GRAMD1A: variants seen among roughly 807,000 people sequenced by gnomAD.
The protein encoded by GRAMD1A is protein Aster-A.
A neutral mutation model predicts 92.0 loss-of-function variants in GRAMD1A; 50 were observed. The ratio of observed to expected loss-of-function variants is 0.54; its 90% CI spans 0.43 to 0.69. The LOEUF (loss-of-function observed/expected upper bound fraction) is 0.69, where lower values mean the gene tolerates loss of function less well. Among genes scored for constraint, GRAMD1A ranks in the 30% least tolerant of loss-of-function variants. GRAMD1A has a pLI of 0.00. For synonymous variants in GRAMD1A, 405 were observed against 403.6 expected, an observed-to-expected ratio of 1.00 and a Z score of -0.04; for missense variants, 819 against 978.9, an observed-to-expected ratio of 0.84 and a Z score of 2.18.
rs151001327 is a variant in GRAMD1A, at chr19:34,995,212, G to C, written c.-30+387G>C. Among the ~76,000 whole-genome samples, 877 of 152,338 alleles carry C rather than the reference G, an allele frequency of 5.8e-3. 5 individuals are homozygous for C. The highest frequency in any genetic ancestry group is 0.02 in the African/African-American group (831 of 41,578). ...CCAGGCCCGGGCTCTGGTGCCCACTGAGGCCTGGCTCCTTCCTGACCCTTT... is the reference window on the plus strand; with the variant it reads ...CCAGGCCCGGGCTCTGGTGCCCACTCAGGCCTGGCTCCTTCCTGACCCTTT... On this transcript the variant is annotated intron_variant, in intron 1 of 19. Coordinates refer to the GRAMD1A transcript ENST00000599564.
At chr19:35,003,996 G>A (rs1405788289) in intron 1 of GRAMD1A, among the ~76,000 whole-genome samples, 2 of 152,252 alleles carry the variant, frequency 1.3e-5, no homozygotes, top group African/African-American at 4.8e-5. Context: ...GGAGGCCAAG[G>A]TGGGAGGATC....
At chr19:35,024,754 A>AT in intron 19 of GRAMD1A, 1 of 152,340 alleles carries the variant, frequency 6.6e-6, no homozygotes, top group African/African-American at 2.4e-5. Context: ...CCCATCACTC[A>AT]TAGAGAGGGT....
chr19:35,026,251 G>A lies in GRAMD1A; in HGVS notation c.*110G>A, dbSNP rs562299381. 3 of 651,194 alleles carry A rather than the reference G, an allele frequency of 4.6e-6. No individual in the cohort carries two copies. The highest frequency in any genetic ancestry group is 2.1e-5 in the Admixed American group (1 of 46,716). The allele number at this position is 651,194 out of a possible 1,614,324, so 40.3% of individuals were successfully genotyped here. ...CAGGCATCTCCCACCCGCCCCTCCC[G>A]ACGGCCCAACCAGGGGCTGTGCAGA... On this transcript the variant is annotated 3_prime_UTR_variant, in exon 20 of 20. Transcript: ENST00000317991.
chr19:35,013,411 C>T lies in GRAMD1A; in HGVS notation c.719+43C>T. The stretch of plus-strand genomic sequence containing the variant: ...GGAGGTTGAAGGGTTCGGGGGAGAA[C>T]AGGACGGTCGGCGTGCAGAGTTCCT... On this transcript the variant is annotated intron_variant, in intron 8 of 19. Transcript: ENST00000317991. This position sits in a 1 kb window ranked among gnomAD's most constrained non-coding sequence, Gnocchi z 4.9. The T allele has an allele frequency of 6.7e-7, 1 of 1,503,526 alleles. No individual in the cohort carries two copies. The highest frequency in any genetic ancestry group is 9.2e-7 in the Non-Finnish European group (1 of 1,091,624). 93.1% of individuals were successfully genotyped at this position (1,503,526 alleles called of 1,614,324 possible). A position where few individuals can be genotyped will look rare whatever the true frequency, so the allele number is the denominator to read the frequency against.
At position 35,026,350 on chromosome 19, in the gene GRAMD1A, T is replaced by G. The variant is rs1461622932; in HGVS notation, c.*209T>G. 5.1e-6 allele frequency: 3 copies of G among 584,454 alleles called. No homozygotes were observed. The highest frequency in any genetic ancestry group is 9.2e-6 in the Non-Finnish European group (3 of 326,834). The allele number at this position is 584,454 out of a possible 1,614,324, so 36.2% of individuals were successfully genotyped here. On this transcript the variant is annotated 3_prime_UTR_variant, in exon 20 of 20. Transcript: ENST00000317991. ...GGCCTCTGGCAGGCCCCCCACTAAC[T>G]TATTTTGCCCGGCTGAGGTTGTGGG...
At chr19:35,005,328 T>G in intron 1 of GRAMD1A, among the ~76,000 whole-genome samples, 1 of 148,756 alleles carries the variant, frequency 6.7e-6, no homozygotes, top group African/African-American at 2.5e-5. Flanking sequence ...GTAGGGGGTG[T>G]TAAATAGGGA....
intron 1 of GRAMD1A, among the ~76,000 whole-genome samples, chr19:35,001,583 G>C (rs891299965): frequency 6.6e-6 from 1 of 151,904 alleles, no homozygotes; most frequent in Non-Finnish European, 1.5e-5. Context: ...GCATATGCCT[G>C]TAATTTAGCT....
intron 3 of GRAMD1A, 119 bp from the exon 4 acceptor site, chr19:35,009,769 T>C: frequency 1.4e-6 from 1 of 740,076 alleles, no homozygotes; most frequent in Admixed American, 1.9e-5. Flanking sequence ...GCTACTGGTG[T>C]GTTGTGTGCG....
At chr19:35,015,156 G>A (rs1457754620) in intron 10 of GRAMD1A, 1 of 152,508 alleles carries the variant, frequency 6.6e-6, no homozygotes, top group Non-Finnish European at 1.5e-5. Context: ...GAGCAACAGA[G>A]CGAGACCCTG....
intron 10 of GRAMD1A, chr19:35,014,623 TC>T: frequency 1.7e-6 from 1 of 572,720 alleles, no homozygotes. Flanking sequence ...TCACACCACT[TC>T]CTGACCATGT....
At chr19:35,022,156 T>C in intron 16 of GRAMD1A, 118 bp downstream of exon 16, 1 of 685,372 alleles carries the variant, frequency 1.5e-6, no homozygotes, top group Non-Finnish European at 2.5e-6. Flanking sequence ...GTGGGTTTGC[T>C]CACAGCAAGG....
At chr19:34,998,963 G>T (rs187139533), upstream of GRAMD1A, among the ~76,000 whole-genome samples, 21 of 152,208 alleles carry the variant, frequency 1.4e-4, no homozygotes, top group East Asian at 4.1e-3. Context: ...GCTGACAGGG[G>T]CCTTGGGTGC....
intron 6 of GRAMD1A, among the ~76,000 whole-genome samples, chr19:35,011,101 C>CAAAAAAAA (rs56905471): frequency 1.4e-5 from 1 of 71,772 alleles, no homozygotes; most frequent in African/African-American, 5.4e-5. Flanking sequence ...GACCCTGTCT[C>CAAAAAAAA]AAAAAAAAAA....
chr19:35,022,050 A>T lies in GRAMD1A; in HGVS notation c.1841+12A>T. ...CTCATCAGCATTGTGTGAGTAAGAGACAGGAGCAGTGGCCACACAGGCCTG... is the reference window on the plus strand; with the variant it reads ...CTCATCAGCATTGTGTGAGTAAGAGTCAGGAGCAGTGGCCACACAGGCCTG... On this transcript the variant is annotated intron_variant, in intron 16 of 19. Coordinates refer to ENST00000317991, the MANE Select transcript of GRAMD1A (RefSeq NM_020895.5). 1 of 1,601,886 alleles carries T rather than the reference A, an allele frequency of 6.2e-7. No individual in the cohort carries two copies. Among genetic ancestry groups the T allele is most frequent in the Non-Finnish European group, 8.5e-7 (1 of 1,169,898 alleles).
At position 35,021,397 on chromosome 19, in the gene GRAMD1A, G is replaced by T; in HGVS notation, c.1476-105G>T. On this transcript the variant is annotated intron_variant, in intron 13 of 19. Transcript: ENST00000317991. The surrounding 1 kb of genome is among the most constrained non-coding windows in gnomAD (Gnocchi z 5.3). ...CATCTGTTTTGTCTGTGAGTGACAAGGGGCCCTCTCTGAATTAGGGGAAGG... is the reference window on the plus strand; with the variant it reads ...CATCTGTTTTGTCTGTGAGTGACAATGGGCCCTCTCTGAATTAGGGGAAGG... 1.2e-6 allele frequency: 1 copy of T among 812,076 alleles called. No homozygotes were observed. The allele number at this position is 812,076 out of a possible 1,614,324, so 50.3% of individuals were successfully genotyped here. A position where few individuals can be genotyped will look rare whatever the true frequency, so the allele number is the denominator to read the frequency against.
chr19:35,016,056 T>A lies in GRAMD1A; in HGVS notation c.1213+89T>A, dbSNP rs1306398736. 4.3e-6 allele frequency: 6 copies of A among 1,395,224 alleles called. No homozygotes were observed. The African/African-American group carries it at 7.2e-5, about 17-fold the overall frequency. The allele number at this position is 1,395,224 out of a possible 1,614,324, so 86.4% of individuals were successfully genotyped here. On this transcript the variant is annotated intron_variant, in intron 11 of 19. Transcript: ENST00000317991. ...AGCCCAGGACAGGGGAAGGCACTGCTAGCCAGTGGGGCAAGGCGAGGTGGT... is the reference window on the plus strand; with the variant it reads ...AGCCCAGGACAGGGGAAGGCACTGCAAGCCAGTGGGGCAAGGCGAGGTGGT...
intron 1 of GRAMD1A, among the ~76,000 whole-genome samples, chr19:35,007,764 C>T (rs912277437): frequency 3.3e-5 from 5 of 151,682 alleles, no homozygotes; most frequent in Admixed American, 6.6e-5. Flanking sequence ...TCCCAGCTAC[C>T]CGGGAGGCTG....
Position 35,010,378 on chromosome 19 carries a change from AGGTGACGGAGGACCC to A in GRAMD1A, c.525+8_525+22del, listed in dbSNP as rs1568324047. 6.2e-7 allele frequency: 1 copy of A among 1,607,490 alleles called. No individual in the cohort carries two copies. Among genetic ancestry groups the A allele is most frequent in the Admixed American group, 1.7e-5 (1 of 60,032 alleles). ...ATCCAGATCTGCACGGAGAGCGAGA[AGGTGACGGAGGACCC>A]GGTGACGGGACCACGCGGTCCCCCG... On this transcript the variant is annotated splice_donor_variant and splice_donor_5th_base_variant and coding_sequence_variant and intron_variant, in exon 6 of 20. Coordinates refer to ENST00000317991, the MANE Select transcript of GRAMD1A (RefSeq NM_020895.5). LOFTEE classifies it high-confidence loss of function.
At position 35,022,083 on chromosome 19, in the gene GRAMD1A, C is replaced by T. The variant is rs757714959; in HGVS notation, c.1841+45C>T. The T allele has an allele frequency of 5.9e-5, 84 of 1,427,560 alleles. No homozygotes were observed. In the East Asian group the frequency reaches 1.9e-3, roughly 33 times the overall value. 88.4% of individuals were successfully genotyped at this position (1,427,560 alleles called of 1,614,324 possible). A position where few individuals can be genotyped will look rare whatever the true frequency, so the allele number is the denominator to read the frequency against. On this transcript the variant is annotated intron_variant, in intron 16 of 19. Transcript: ENST00000317991. ...AGTGGCCACACAGGCCTGAACCTGC[C>T]TCCTGGCTGTGTGACCTTGGGCAAG... is the stretch of plus-strand genomic sequence containing the variant.
Sources: gnomAD v4.1 joint callset for allele counts (sites outside exome capture counted in the v4.1 genomes callset) on GRCh38, gnomAD v4.1.1 for gene constraint, Gnocchi (gnomAD v3.1) non-coding constraint, MANE v1.5 for transcripts, NCBI Gene and HGNC (gene_info 2026-07-23, HGNC 2026-07-21) for gene names.